DNER: variants seen among roughly 807,000 people sequenced by gnomAD.
The protein encoded by DNER is delta and Notch-like epidermal growth factor-related receptor.
Under a neutral mutation model 78.2 loss-of-function variants are expected in DNER, and 33 were observed. The ratio of observed to expected loss-of-function variants is 0.42; its 90% CI spans 0.32 to 0.56. The LOEUF is 0.56. Ranked by LOEUF, DNER falls within the 20% of genes least tolerant of loss-of-function variation. DNER has a pLI of 0.11. For missense variants in DNER, 918 were observed against 975.3 expected, an observed-to-expected ratio of 0.94 and a Z score of 0.78; for synonymous variants, 417 against 384.8, an observed-to-expected ratio of 1.08 and a Z score of -0.98.
chr2:229,589,714 G>C (rs1461901571), intron 2 of DNER, among the ~76,000 whole-genome samples: 1 of 152,026 alleles, frequency 6.6e-6, no homozygotes, highest in African/African-American at 2.4e-5. Flanking sequence ...TTCTTTTAAA[G>C]GACACTTCTT....
chr2:229,522,918 A>G (rs79272366), intron 5 of DNER, among the ~76,000 whole-genome samples: 1 of 152,336 alleles, frequency 6.6e-6, no homozygotes, highest in African/African-American at 2.4e-5. Context: ...CATGTTACCA[A>G]TGAGGAAACA....
intron 6 of DNER, among the ~76,000 whole-genome samples, chr2:229,488,308 G>A (rs921801192): frequency 4.6e-5 from 7 of 152,262 alleles, no homozygotes; most frequent in African/African-American, 1.7e-4. Context: ...GGATGTGGAT[G>A]TGGGGATAGA....
intron 12 of DNER, among the ~76,000 whole-genome samples, chr2:229,364,844 C>CTTTTT (rs34346714): frequency 2.0e-4 from 15 of 75,488 alleles, no homozygotes; most frequent in African/African-American, 4.5e-4. Flanking sequence ...CTCTCTCTCT[C>CTTTTT]TTTTTTTTTT....
chr2:229,648,982 T>C (rs1698766441), intron 1 of DNER, among the ~76,000 whole-genome samples: 1 of 152,234 alleles, frequency 6.6e-6, no homozygotes, highest in South Asian at 2.1e-4. Context: ...GTGCCTCAGC[T>C]AACCTGTGTA....
intron 8 of DNER, among the ~76,000 whole-genome samples, chr2:229,422,780 A>T (rs1693794217): frequency 6.6e-6 from 1 of 152,122 alleles, no homozygotes; most frequent in South Asian, 2.1e-4. Context: ...AAGGGAAAGA[A>T]GAAAATGGAA....
At position 229,684,128 on chromosome 2, in the gene DNER, GTGTGTGTC is replaced by G. The variant is rs1382255393; in HGVS notation, c.276+30012_276+30019del. On this transcript the variant is annotated intron_variant, in intron 1 of 12. Transcript: ENST00000341772. ...TGTGTGTGTGTGTGTGTGTGTTTGT[GTGTGTGTC>G]TGTGTATGTGAGAGAGAGAGAGAGA... Among the ~76,000 whole-genome samples the G allele has an allele frequency of 5.8e-3, 844 of 145,522 alleles. 10 individuals are homozygous for G. The highest frequency in any genetic ancestry group is 0.02 in the African/African-American group (776 of 39,696).
intron 1 of DNER, among the ~76,000 whole-genome samples, chr2:229,676,327 G>T (rs1285181668): frequency 1.3e-5 from 2 of 152,168 alleles, no homozygotes; most frequent in African/African-American, 4.8e-5. Context: ...ATTACCTACT[G>T]TGAGATCCCA....
chr2:229,665,750 C>T (rs1699082378), intron 1 of DNER, among the ~76,000 whole-genome samples: 1 of 152,152 alleles, frequency 6.6e-6, no homozygotes, highest in Admixed American at 6.5e-5. Context: ...ACCATGAACA[C>T]TTGGGACCAT....
chr2:229,426,817 A>G (rs937172353), intron 8 of DNER, among the ~76,000 whole-genome samples: 2 of 152,228 alleles, frequency 1.3e-5, no homozygotes, highest in Non-Finnish European at 2.9e-5. Flanking sequence ...ATAACTGCAC[A>G]GGTTTTCACT....
Position 229,618,600 on chromosome 2 carries a change from C to T in DNER, c.277-26712G>A, listed in dbSNP as rs1015067888. Among the ~76,000 whole-genome samples, 12 of 152,294 alleles carry T rather than the reference C, an allele frequency of 7.9e-5. 1 individual carries two copies. In the South Asian group the frequency reaches 1.9e-3, roughly 24 times the overall value. On this transcript the variant is annotated intron_variant, in intron 1 of 12. Coordinates refer to ENST00000341772, the MANE Select transcript of DNER (RefSeq NM_139072.4). ...CCCACCCCAGTGAATTCTGCCTTAA[C>T]AAGGCTTAGTTCTTCCACCAGGGCA...
At chr2:229,555,269 A>C (rs923179465) in intron 4 of DNER, among the ~76,000 whole-genome samples, 1 of 152,222 alleles carries the variant, frequency 6.6e-6, no homozygotes, top group African/African-American at 2.4e-5. Flanking sequence ...TTAACAATTT[A>C]GGCAAAAGTG....
intron 9 of DNER, among the ~76,000 whole-genome samples, chr2:229,416,805 C>A (rs35658974): frequency 6.6e-6 from 1 of 151,904 alleles, no homozygotes. Flanking sequence ...GGTCATCTAC[C>A]TTATTGAGCC....
At chr2:229,569,547 T>A (rs1242178628) in intron 4 of DNER, among the ~76,000 whole-genome samples, 1 of 151,982 alleles carries the variant, frequency 6.6e-6, no homozygotes, top group Non-Finnish European at 1.5e-5. Context: ...AAAAATTTTT[T>A]AAGTTCTCTA....
intron 8 of DNER, among the ~76,000 whole-genome samples, chr2:229,421,272 G>A (rs1693757930): frequency 6.6e-6 from 1 of 152,068 alleles, no homozygotes; most frequent in Non-Finnish European, 1.5e-5. Flanking sequence ...AGGGTCTGCG[G>A]AAGGGGAAAA....
At chr2:229,683,295 G>A (rs1307709752) in intron 1 of DNER, among the ~76,000 whole-genome samples, 1 of 152,162 alleles carries the variant, frequency 6.6e-6, no homozygotes, top group African/African-American at 2.4e-5. Context: ...TCATGACACT[G>A]CAAGTCGTTC....
At position 229,674,348 on chromosome 2, in the gene DNER, G is replaced by A. The variant is rs142257474; in HGVS notation, c.276+39800C>T. On this transcript the variant is annotated intron_variant, in intron 1 of 12. Transcript: ENST00000341772. ...GGCTGGAGTGCAGTGATGCGATCTC[G>A]GCTTACTGCAACCTCCGCCTCCTGG... is the stretch of plus-strand genomic sequence containing the variant. 6.1e-3 allele frequency among the ~76,000 whole-genome samples: 932 copies of A among 152,194 alleles called. 6 individuals carry two copies. The highest frequency in any genetic ancestry group is 0.021 in the African/African-American group (874 of 41,514).
chr2:229,383,381 CATA>C (rs1353333888), intron 11 of DNER, among the ~76,000 whole-genome samples: 1 of 152,178 alleles, frequency 6.6e-6, no homozygotes, highest in Admixed American at 6.5e-5. Context: ...CAGCTAGCAT[CATA>C]ATGACAGGAG....
chr2:229,529,833 C>G (rs1018140702), intron 5 of DNER, among the ~76,000 whole-genome samples: 1 of 152,124 alleles, frequency 6.6e-6, no homozygotes, highest in African/African-American at 2.4e-5. Context: ...CATAGGGATA[C>G]CCTGTCTCTA....
In DNER at chr2:229,591,921, C is replaced by G; in HGVS notation, c.277-33G>C. On this transcript the variant is annotated intron_variant, in intron 1 of 12. Transcript: ENST00000341772. The surrounding 1 kb of genome is among the most constrained non-coding windows in gnomAD (Gnocchi z 4.6). ...GAGACCATAAATGGGTCAATTATTCCCTCATAAGAAAAGTGGTGCCATCGC... is the reference window on the plus strand; with the variant it reads ...GAGACCATAAATGGGTCAATTATTCGCTCATAAGAAAAGTGGTGCCATCGC... 7 of 1,469,162 alleles carry G rather than the reference C, an allele frequency of 4.8e-6. No individual in the cohort carries two copies. Among genetic ancestry groups the G allele is most frequent in the Non-Finnish European group, 6.3e-6 (7 of 1,113,632 alleles). 91.0% of individuals were successfully genotyped at this position (1,469,162 alleles called of 1,614,324 possible).
Sources: allele counts gnomAD v4.1 joint callset (sites outside exome capture counted in the v4.1 genomes callset), GRCh38; gene constraint gnomAD v4.1.1; non-coding constraint Gnocchi (gnomAD v3.1); transcripts MANE v1.5; gene names NCBI Gene and HGNC (gene_info 2026-07-23, HGNC 2026-07-21).